Variants in RBPMS observed in about 807,000 individuals in gnomAD.
RBPMS encodes RNA-binding protein with multiple splicing.
Under a neutral mutation model 26.8 loss-of-function variants are expected in RBPMS, and 7 were observed. That is an observed-to-expected ratio of 0.26 (90% CI 0.15 to 0.49). The LOEUF is 0.49. Ranked by LOEUF, RBPMS falls within the 20% of genes least tolerant of loss-of-function variation. The probability of loss-of-function intolerance (pLI) is 0.98; values close to 1 mark genes in which losing one functional copy is unlikely to be tolerated. For missense variants in RBPMS, 186 were observed against 250.0 expected (o/e 0.74, Z 1.73); for synonymous variants, 96 against 93.3 (o/e 1.03, Z -0.17).
At chr8:30,498,792 G>A (rs1356666315) in intron 4 of RBPMS, among the ~76,000 whole-genome samples, 1 of 151,884 alleles carries the variant, frequency 6.6e-6, no homozygotes, top group Non-Finnish European at 1.5e-5. Context: ...CAAAGGAGAG[G>A]GATAGAATTA....
At chr8:30,480,644 AC>A (rs1818175358) in intron 4 of RBPMS, among the ~76,000 whole-genome samples, 1 of 152,216 alleles carries the variant, frequency 6.6e-6, no homozygotes. Flanking sequence ...CTCCTGTATA[AC>A]AAAGTATAAA....
chr8:30,428,813 A>G (rs1284932722), intron 1 of RBPMS, among the ~76,000 whole-genome samples: 2 of 151,954 alleles, frequency 1.3e-5, no homozygotes, highest in East Asian at 1.9e-4. Context: ...ACTCATGTAC[A>G]CTATTTTAAT....
chr8:30,454,911 C>T (rs921866704), intron 1 of RBPMS, among the ~76,000 whole-genome samples: 5 of 152,218 alleles, frequency 3.3e-5, no homozygotes, highest in African/African-American at 1.2e-4. Flanking sequence ...GCAACCTCTG[C>T]CTCCCGATTC....
chr8:30,484,527 T>C (rs1818591921), intron 4 of RBPMS, among the ~76,000 whole-genome samples: 1 of 152,182 alleles, frequency 6.6e-6, no homozygotes, highest in Non-Finnish European at 1.5e-5. Flanking sequence ...AGCAGTTTTG[T>C]TTAAAAGAGG....
chr8:30,526,093 G>A (rs1285580817), intron 5 of RBPMS, among the ~76,000 whole-genome samples: 1 of 152,220 alleles, frequency 6.6e-6, no homozygotes, highest in Non-Finnish European at 1.5e-5. Flanking sequence ...CTACTTTGTA[G>A]AGTCCAACTC....
In RBPMS at chr8:30,439,215, G is replaced by A. The variant is rs1812803685; in HGVS notation, c.67-35564G>A. Among the ~76,000 whole-genome samples the A allele has an allele frequency of 3.9e-5, 6 of 152,324 alleles. No individual in the cohort carries two copies. The South Asian group carries it at 1.2e-3, about 32-fold the overall frequency. On this transcript the variant is annotated intron_variant, in intron 1 of 8. Transcript: ENST00000397323. ...TCAGTTACTATGCTCAGGAAATAATGTTTGGAGATAAACTTTGTGTGTGCT... is the reference window on the plus strand; with the variant it reads ...TCAGTTACTATGCTCAGGAAATAATATTTGGAGATAAACTTTGTGTGTGCT...
At chr8:30,500,423 T>C (rs1194421333) in intron 4 of RBPMS, among the ~76,000 whole-genome samples, 2 of 152,102 alleles carry the variant, frequency 1.3e-5, no homozygotes, top group Non-Finnish European at 2.9e-5. Flanking sequence ...TTCTAAGCAT[T>C]TTTTTTCTAA....
intron 6 of RBPMS, among the ~76,000 whole-genome samples, chr8:30,551,560 CT>C (rs1826381787): frequency 6.6e-6 from 1 of 152,162 alleles, no homozygotes; most frequent in South Asian, 2.1e-4. Flanking sequence ...CCATGTTGTC[CT>C]TTGCGGAAGG....
At chr8:30,474,282 G>A (rs1817457433) in intron 1 of RBPMS, among the ~76,000 whole-genome samples, 1 of 152,074 alleles carries the variant, frequency 6.6e-6, no homozygotes, top group South Asian at 2.1e-4. Context: ...AACAAAACAA[G>A]CAGGAGGAAA....
chr8:30,562,570 C>A (rs1827591012), intron 7 of RBPMS, among the ~76,000 whole-genome samples: 1 of 152,142 alleles, frequency 6.6e-6, no homozygotes, highest in African/African-American at 2.4e-5. Flanking sequence ...TGGATCAAGT[C>A]CTTTCCAAGA....
intron 5 of RBPMS, among the ~76,000 whole-genome samples, chr8:30,542,956 C>G (rs1825539106): frequency 6.6e-6 from 1 of 152,174 alleles, no homozygotes; most frequent in Non-Finnish European, 1.5e-5. Context: ...TGCTTTCACC[C>G]TGACTAATAA....
chr8:30,438,394 G>C (rs1011372821), intron 1 of RBPMS, among the ~76,000 whole-genome samples: 2 of 152,132 alleles, frequency 1.3e-5, no homozygotes, highest in African/African-American at 2.4e-5. Flanking sequence ...GTGTTGACGT[G>C]GTCATTACTG....
At chr8:30,559,109 G>C (rs555909390) in intron 7 of RBPMS, among the ~76,000 whole-genome samples, 153 bp downstream of exon 7, 56 of 152,292 alleles carry the variant, frequency 3.7e-4, no homozygotes, top group African/African-American at 1.3e-3. Flanking sequence ...GAACTACATA[G>C]CAGTGCATCT....
intron 1 of RBPMS, among the ~76,000 whole-genome samples, chr8:30,430,428 A>C (rs886069944): frequency 1.3e-5 from 2 of 152,216 alleles, no homozygotes; most frequent in Non-Finnish European, 2.9e-5. Context: ...TTCATTGTGC[A>C]TATTCCTACA....
chr8:30,512,258 G>A (rs1821797876), intron 5 of RBPMS, among the ~76,000 whole-genome samples: 2 of 151,956 alleles, frequency 1.3e-5, no homozygotes, highest in South Asian at 4.2e-4. Context: ...TTACTTATTT[G>A]TTTGTGTATG....
chr8:30,427,949 G>A (rs1037324893), intron 1 of RBPMS, among the ~76,000 whole-genome samples: 1 of 152,004 alleles, frequency 6.6e-6, no homozygotes, highest in Non-Finnish European at 1.5e-5. Flanking sequence ...AGCAGTTTGG[G>A]AGACTGAGGT....
At chr8:30,472,651 A>C (rs1182554289) in intron 1 of RBPMS, among the ~76,000 whole-genome samples, 1 of 152,266 alleles carries the variant, frequency 6.6e-6, no homozygotes, top group Admixed American at 6.5e-5. Flanking sequence ...TATTTACATC[A>C]TTATAGTGTT....
intron 1 of RBPMS, among the ~76,000 whole-genome samples, chr8:30,418,942 T>C (rs1810410511): frequency 1.3e-5 from 2 of 152,064 alleles, no homozygotes; most frequent in Non-Finnish European, 2.9e-5. Context: ...CATTGATTGT[T>C]TTTGTCTTTA....
At chr8:30,480,753 G>A (rs1456150897) in intron 4 of RBPMS, among the ~76,000 whole-genome samples, 6 of 152,178 alleles carry the variant, frequency 3.9e-5, no homozygotes, top group Admixed American at 1.3e-4. Flanking sequence ...CATTGAATAC[G>A]TAAAAACCAG....
Sources: allele counts gnomAD v4.1 joint callset (sites outside exome capture counted in the v4.1 genomes callset), GRCh38; gene constraint gnomAD v4.1.1; transcripts MANE v1.5; gene names NCBI Gene and HGNC (gene_info 2026-07-23, HGNC 2026-07-21).